The following KIRREL3 variants were observed in gnomAD, a reference collection of about 807,000 sequenced individuals.
The protein encoded by KIRREL3 is kin of IRRE-like protein 3.
KIRREL3 carries 36 observed loss-of-function variants against 89.7 expected under a neutral mutation model. That is an observed-to-expected ratio of 0.40 (90% CI 0.31 to 0.53). The LOEUF is 0.53. Ranked by LOEUF, KIRREL3 falls within the 20% of genes least tolerant of loss-of-function variation. KIRREL3 has a pLI of 0.49. For synonymous variants in KIRREL3, 445 were observed against 441.4 expected, an observed-to-expected ratio of 1.01 and a Z score of -0.10; for missense variants, 864 against 1,056.6, an observed-to-expected ratio of 0.82 and a Z score of 2.53.
Position 126,636,367 on chromosome 11 carries a change from G to A in KIRREL3, c.56-73455C>T, listed in dbSNP as rs927688522. Among the ~76,000 whole-genome samples the A allele has an allele frequency of 2.0e-5, 3 of 152,152 alleles. No homozygotes were observed. Among genetic ancestry groups the A allele is most frequent in the Admixed American group, 1.3e-4 (2 of 15,272 alleles). Reference sequence around the variant, plus strand: ...AGAGACTGGTAACCCAGCATCTGCCGTTTAACAGATGCCCTGTAAGTGAGT... The same window carrying A: ...AGAGACTGGTAACCCAGCATCTGCCATTTAACAGATGCCCTGTAAGTGAGT... On this transcript the variant is annotated intron_variant, in intron 1 of 16. Transcript: ENST00000525144. The surrounding 1 kb of genome is among the most constrained non-coding windows in gnomAD (Gnocchi z 4.4).
chr11:126,601,998 G>A lies in KIRREL3; in HGVS notation c.56-39086C>T, dbSNP rs1008435311. 6.6e-6 allele frequency among the ~76,000 whole-genome samples: 1 copy of A among 152,176 alleles called. No homozygotes were observed. The highest frequency in any genetic ancestry group is 2.4e-5 in the African/African-American group (1 of 41,444). ...CAGAGTCACAGAAGCTGACCGCTGC[G>A]AGGCAGGGGCTGCGGCCTTTTCCCG... On this transcript the variant is annotated intron_variant, in intron 1 of 16. Coordinates refer to ENST00000525144, the MANE Select transcript of KIRREL3 (RefSeq NM_032531.4). This position sits in a 1 kb window ranked among gnomAD's most constrained non-coding sequence, Gnocchi z 5.8.
At position 126,655,694 on chromosome 11, in the gene KIRREL3, A is replaced by G. The variant is rs530978728; in HGVS notation, c.56-92782T>C. ...AGAGGCTTATGAAGGCTGTGTCTCA[A>G]GCATTTCAGGGGGCTGCAGATTTAG... is the stretch of plus-strand genomic sequence containing the variant. On this transcript the variant is annotated intron_variant, in intron 1 of 16. Coordinates refer to ENST00000525144, the MANE Select transcript of KIRREL3 (RefSeq NM_032531.4). The surrounding 1 kb of genome is among the most constrained non-coding windows in gnomAD (Gnocchi z 5.0). 5.3e-5 allele frequency among the ~76,000 whole-genome samples: 8 copies of G among 152,220 alleles called. No homozygotes were observed. In the South Asian group the frequency reaches 1.5e-3, roughly 28 times the overall value.
chr11:126,702,490 C>T (rs932301279), intron 1 of KIRREL3, among the ~76,000 whole-genome samples: 1 of 152,190 alleles, frequency 6.6e-6, no homozygotes, highest in African/African-American at 2.4e-5. Context: ...GAGAGGCTGA[C>T]GTCAGGGAGA....
intron 2 of KIRREL3, chr11:126,549,761 T>A (rs35630456): frequency 0.018 from 2,793 of 152,044 alleles, 44 homozygotes; most frequent in Middle Eastern, 0.045. Flanking sequence ...AGTCACTGGG[T>A]CCCCTCGTCA....
In KIRREL3 at chr11:126,569,628, C is replaced by G. The variant is rs1050228774; in HGVS notation, c.56-6716G>C. Among the ~76,000 whole-genome samples the G allele has an allele frequency of 6.6e-6, 1 of 152,246 alleles. No homozygotes were observed. ...TAAAAGTCAGAGACAGGTAATAGTTCGGTAAAGAAAGTCTTGAGGCAGCAC... is the reference window on the plus strand; with the variant it reads ...TAAAAGTCAGAGACAGGTAATAGTTGGGTAAAGAAAGTCTTGAGGCAGCAC... On this transcript the variant is annotated intron_variant, in intron 1 of 16. Transcript: ENST00000525144. This position sits in a 1 kb window ranked among gnomAD's most constrained non-coding sequence, Gnocchi z 6.5.
intron 1 of KIRREL3, among the ~76,000 whole-genome samples, chr11:126,781,177 C>A (rs978254319): frequency 6.6e-6 from 1 of 152,148 alleles, no homozygotes; most frequent in Admixed American, 6.5e-5. Flanking sequence ...TGGCTCCTGA[C>A]CTTTCACTTT....
rs147974530 is a variant in KIRREL3, at chr11:126,430,243, G to A, written c.1697-955C>T. 1.0e-3 allele frequency among the ~76,000 whole-genome samples: 157 copies of A among 152,152 alleles called. No homozygotes were observed. Among genetic ancestry groups the A allele is most frequent in the African/African-American group, 3.6e-3 (151 of 41,502 alleles). ...GCGGACCACTTGAGGCCAGGAGTTC[G>A]AGACCAGCCTGGGCAACATGGTGAA... is the stretch of plus-strand genomic sequence containing the variant. On this transcript the variant is annotated intron_variant, in intron 14 of 16. Coordinates refer to ENST00000525144, the MANE Select transcript of KIRREL3 (RefSeq NM_032531.4). This position sits in a 1 kb window ranked among gnomAD's most constrained non-coding sequence, Gnocchi z 6.6.
rs140551088 is a variant in KIRREL3, at chr11:126,562,973, G to C, written c.56-61C>G. 1.8e-3 allele frequency: 2,343 copies of C among 1,281,854 alleles called. 53 individuals are homozygous for C. The East Asian group carries it at 0.048, about 26-fold the overall frequency. The allele number at this position is 1,281,854 out of a possible 1,614,324, so 79.4% of individuals were successfully genotyped here. A position where few individuals can be genotyped will look rare whatever the true frequency, so the allele number is the denominator to read the frequency against. ...GGAACAGGTCAGGCATTGTTGGGGG[G>C]CCCTCTGCAGGGGGCTGTGGAGCTT... On this transcript the variant is annotated intron_variant, in intron 1 of 16. Coordinates refer to ENST00000525144, the MANE Select transcript of KIRREL3 (RefSeq NM_032531.4). The surrounding 1 kb of genome is among the most constrained non-coding windows in gnomAD (Gnocchi z 4.7).
intron 1 of KIRREL3, among the ~76,000 whole-genome samples, chr11:126,713,648 G>A (rs1401570625): frequency 6.6e-6 from 1 of 152,166 alleles, no homozygotes; most frequent in Non-Finnish European, 1.5e-5. Flanking sequence ...TGCAGAGGGC[G>A]ACAGACATTC....
chr11:126,434,064 C>G (rs536299963), intron 13 of KIRREL3, among the ~76,000 whole-genome samples: 1 of 152,236 alleles, frequency 6.6e-6, no homozygotes, highest in Non-Finnish European at 1.5e-5. Flanking sequence ...GCGAGTGCCC[C>G]GGGGTGCCAT....
intron 1 of KIRREL3, among the ~76,000 whole-genome samples, chr11:126,869,287 G>A (rs1417556974): frequency 1.3e-5 from 2 of 151,920 alleles, no homozygotes; most frequent in Admixed American, 6.6e-5. Context: ...CCCTTGGTGG[G>A]GATGATGCTG....
At chr11:126,680,959 C>T (rs1049128658) in intron 1 of KIRREL3, among the ~76,000 whole-genome samples, 2 of 152,200 alleles carry the variant, frequency 1.3e-5, no homozygotes, top group Non-Finnish European at 2.9e-5. Context: ...ACTGCTCTGT[C>T]TGTCACAGCA....
intron 1 of KIRREL3, among the ~76,000 whole-genome samples, chr11:126,901,163 G>T (rs533480133): frequency 3.5e-5 from 5 of 141,870 alleles, no homozygotes; most frequent in African/African-American, 1.3e-4. Context: ...GCAGTGAGCT[G>T]AGATCGCACC....
At chr11:126,992,960 C>G (rs1457717388) in intron 1 of KIRREL3, among the ~76,000 whole-genome samples, 1 of 152,176 alleles carries the variant, frequency 6.6e-6, no homozygotes, top group East Asian at 1.9e-4. Context: ...CATCTACCCA[C>G]CATCCTTCTG....
intron 1 of KIRREL3, among the ~76,000 whole-genome samples, chr11:126,925,534 A>G (rs1947678177): frequency 6.6e-6 from 1 of 152,220 alleles, no homozygotes; most frequent in Admixed American, 6.5e-5. Context: ...GCTGAGCAGG[A>G]GAGCAGATGT....
Position 126,562,849 on chromosome 11 carries a change from C to T in KIRREL3, c.119G>A (p.Arg40Gln), listed in dbSNP as rs763906945. The T allele has an allele frequency of 7.6e-5, 122 of 1,613,666 alleles. No individual in the cohort carries two copies. The highest frequency in any genetic ancestry group is 1.6e-4 in the Middle Eastern group (1 of 6,084). The change falls in exon 2 of 17, where the codon CGG (arginine) becomes CAG (glutamine). Residue 40 changes from arginine (R) to glutamine (Q), a missense_variant. Arg to Gln is a conservative substitution (Grantham distance 43). Transcript: ENST00000525144. The surrounding 1 kb of genome is among the most constrained non-coding windows in gnomAD (Gnocchi z 4.7). ...VLGYMAKDKF[R>Q]RMNEGQVYSF... Reference sequence around the variant, plus strand: ...TTCTCACTGACCTTCATTCATTCTCCGAAACTTGTCCTTGGCCATGTAGCC... The same window carrying T: ...TTCTCACTGACCTTCATTCATTCTCTGAAACTTGTCCTTGGCCATGTAGCC...
Position 126,977,185 on chromosome 11 carries a change from T to C in KIRREL3, c.55+23270A>G, listed in dbSNP as rs557472113. ...CCTTTGTTACAGGCTCCTGCACCTC[T>C]TTTGTCCTCTTCTTCTGCCAGGTGC... On this transcript the variant is annotated intron_variant, in intron 1 of 16. Transcript: ENST00000525144. The surrounding 1 kb of genome is among the most constrained non-coding windows in gnomAD (Gnocchi z 4.7). 2.5e-3 allele frequency among the ~76,000 whole-genome samples: 384 copies of C among 152,326 alleles called. 12 individuals are homozygous for C. The highest frequency in any genetic ancestry group is 3.2e-3 in the Non-Finnish European group (220 of 68,030).
chr11:126,881,121 C>T (rs988651891), intron 1 of KIRREL3, among the ~76,000 whole-genome samples: 2 of 152,220 alleles, frequency 1.3e-5, no homozygotes, highest in African/African-American at 4.8e-5. Flanking sequence ...AGTCACTCTG[C>T]TGACAAGTAC....
rs187894182 is a variant in KIRREL3 at position 126,982,178 on chromosome 11, C to A, written c.55+18277G>T. Among the ~76,000 whole-genome samples, 4 of 152,272 alleles carry A rather than the reference C, an allele frequency of 2.6e-5. No homozygotes were observed. The East Asian group carries it at 7.7e-4, about 29-fold the overall frequency. Reference sequence around the variant, plus strand: ...CTCAAGGGCTGAACATTTGAGAAACCTATTATCATTATCAACCTATTATCA... The same window carrying A: ...CTCAAGGGCTGAACATTTGAGAAACATATTATCATTATCAACCTATTATCA... On this transcript the variant is annotated intron_variant, in intron 1 of 16. Transcript: ENST00000525144.
Sources: allele counts gnomAD v4.1 joint callset (sites outside exome capture counted in the v4.1 genomes callset), GRCh38; gene constraint gnomAD v4.1.1; non-coding constraint Gnocchi (gnomAD v3.1); transcripts MANE v1.5; gene names NCBI Gene and HGNC (gene_info 2026-07-23, HGNC 2026-07-21).